The following TBC1D22A variants were observed in gnomAD, a reference collection of about 807,000 sequenced individuals.
TBC1D22A encodes the protein putative GTPase activator.
In TBC1D22A, 38 loss-of-function variants were observed where a neutral mutation model predicts 60.2. The observed-to-expected ratio is 0.63, with a 90% CI of 0.49 to 0.83. TBC1D22A has a LOEUF of 0.83. Among genes scored for constraint, TBC1D22A ranks in the 40% least tolerant of loss-of-function variants. The probability of loss-of-function intolerance (pLI) is 0.00; values close to 1 mark genes in which losing one functional copy is unlikely to be tolerated. For missense variants in TBC1D22A, 628 were observed against 701.0 expected, an observed-to-expected ratio of 0.90 and a Z score of 1.18; for synonymous variants, 302 against 281.7, an observed-to-expected ratio of 1.07 and a Z score of -0.72.
intron 10 of TBC1D22A, among the ~76,000 whole-genome samples, chr22:47,022,043 A>G (rs1382893020): frequency 1.3e-5 from 2 of 152,250 alleles, no homozygotes; most frequent in East Asian, 3.8e-4. Flanking sequence ...AGAAAAGAAT[A>G]CAATCAGGAT....
At chr22:46,991,817 G>A (rs1169382370) in intron 9 of TBC1D22A, among the ~76,000 whole-genome samples, 4 of 152,248 alleles carry the variant, frequency 2.6e-5, no homozygotes, top group East Asian at 1.9e-4. Context: ...CAGCTTGCTC[G>A]CTGCCCTCCA....
chr22:47,117,539 C>T (rs1351407170), intron 12 of TBC1D22A, among the ~76,000 whole-genome samples: 3 of 124,290 alleles, frequency 2.4e-5, no homozygotes, highest in African/African-American at 9.3e-5. Context: ...ACCGTGGCAT[C>T]GAGCAGGGAG....
At chr22:46,993,745 T>C (rs2075025908) in intron 9 of TBC1D22A, among the ~76,000 whole-genome samples, 1 of 152,186 alleles carries the variant, frequency 6.6e-6, no homozygotes, top group Non-Finnish European at 1.5e-5. Context: ...GCGAGGGCCA[T>C]GGGACATTCT....
chr22:46,947,516 C>T (rs983667775), intron 8 of TBC1D22A, among the ~76,000 whole-genome samples: 5 of 152,166 alleles, frequency 3.3e-5, no homozygotes, highest in African/African-American at 1.2e-4. Context: ...GGGACAGAGG[C>T]AGGTCTATAG....
intron 12 of TBC1D22A, among the ~76,000 whole-genome samples, chr22:47,163,194 C>G (rs116811147): frequency 0.01 from 1,548 of 152,272 alleles, 21 homozygotes; most frequent in African/African-American, 0.035. Context: ...GACAGAGGGA[C>G]AGGAGGACCA....
chr22:46,782,420 A>G lies in TBC1D22A; in HGVS notation c.63-10100A>G, dbSNP rs1012066587. Among the ~76,000 whole-genome samples, 7 of 152,302 alleles carry G rather than the reference A, an allele frequency of 4.6e-5. No individual in the cohort carries two copies. The South Asian group carries it at 1.0e-3, about 23-fold the overall frequency. On this transcript the variant is annotated intron_variant, in intron 1 of 12. Transcript: ENST00000337137. ...GCCATCTCGAGCCTTCCCTTCCATG[A>G]CGTCCCGGCCTTCCTGGGACACAAT...
intron 9 of TBC1D22A, among the ~76,000 whole-genome samples, chr22:46,993,573 A>C (rs549884091): frequency 6.6e-6 from 1 of 152,280 alleles, no homozygotes; most frequent in Non-Finnish European, 1.5e-5. Flanking sequence ...TCTGGGTGCC[A>C]GGTGTGGGAG....
chr22:46,902,330 T>G (rs1400731547), intron 7 of TBC1D22A, among the ~76,000 whole-genome samples: 1 of 152,264 alleles, frequency 6.6e-6, no homozygotes, highest in Non-Finnish European at 1.5e-5. Context: ...ATTAACTGAT[T>G]TGCAGAAAAG....
intron 10 of TBC1D22A, among the ~76,000 whole-genome samples, chr22:47,020,357 T>C (rs894703893): frequency 1.3e-5 from 2 of 152,182 alleles, no homozygotes; most frequent in African/African-American, 4.8e-5. Context: ...AGAGAGGGAC[T>C]CTATCCGGGG....
intron 1 of TBC1D22A, among the ~76,000 whole-genome samples, chr22:46,790,610 GCAGA>G (rs1438477431): frequency 1.3e-5 from 2 of 151,724 alleles, no homozygotes; most frequent in African/African-American, 4.9e-5. Context: ...AAGGGTATGA[GCAGA>G]CAATTTACAA....
At chr22:47,148,653 T>C (rs1243781219) in intron 12 of TBC1D22A, among the ~76,000 whole-genome samples, 1 of 148,610 alleles carries the variant, frequency 6.7e-6, no homozygotes, top group Non-Finnish European at 1.5e-5. Flanking sequence ...TGGGTTCCTC[T>C]CCTGGGGTCC....
intron 7 of TBC1D22A, among the ~76,000 whole-genome samples, chr22:46,896,500 G>A (rs1238113974): frequency 6.6e-6 from 1 of 152,138 alleles, no homozygotes; most frequent in African/African-American, 2.4e-5. Flanking sequence ...CAGTTCATCT[G>A]CAGTTGATGG....
At chr22:46,979,623 G>A (rs865807740) in intron 9 of TBC1D22A, among the ~76,000 whole-genome samples, 3 of 152,154 alleles carry the variant, frequency 2.0e-5, no homozygotes, top group East Asian at 1.9e-4. Flanking sequence ...CTTTCCTGCC[G>A]TATCCAGGGC....
chr22:46,947,533 C>T (rs77261885), intron 8 of TBC1D22A, among the ~76,000 whole-genome samples: 6,209 of 152,220 alleles, frequency 0.041, 168 homozygotes, highest in African/African-American at 0.069. Context: ...ATAGCTGCCC[C>T]CTCCAGGCCA....
chr22:47,093,682 G>T (rs889544329), intron 11 of TBC1D22A, among the ~76,000 whole-genome samples: 2 of 152,186 alleles, frequency 1.3e-5, no homozygotes, highest in Non-Finnish European at 2.9e-5. Context: ...ACATGAAAAC[G>T]ATCTGTCATC....
chr22:47,121,433 A>G (rs1047691395), intron 12 of TBC1D22A, among the ~76,000 whole-genome samples: 2 of 152,206 alleles, frequency 1.3e-5, no homozygotes, highest in Non-Finnish European at 2.9e-5. Context: ...TACCTAAGTT[A>G]TGGTACATGG....
intron 11 of TBC1D22A, among the ~76,000 whole-genome samples, chr22:47,053,521 C>T (rs1024625926): frequency 2.6e-5 from 4 of 152,220 alleles, no homozygotes; most frequent in African/African-American, 7.2e-5. Context: ...AGATGGAGGG[C>T]GCTTCTCTCC....
At chr22:46,808,803 C>T (rs1360564502) in intron 4 of TBC1D22A, among the ~76,000 whole-genome samples, 2 of 152,190 alleles carry the variant, frequency 1.3e-5, no homozygotes, top group African/African-American at 2.4e-5. Context: ...ACCGTGTTAG[C>T]CAGGATGGTC....
intron 11 of TBC1D22A, among the ~76,000 whole-genome samples, chr22:47,076,984 A>G (rs1478490915): frequency 1.3e-5 from 2 of 152,162 alleles, no homozygotes; most frequent in African/African-American, 4.8e-5. Flanking sequence ...AAAGAAGGGC[A>G]TCATGCCTTC....
Sources: allele counts gnomAD v4.1 joint callset (sites outside exome capture counted in the v4.1 genomes callset), GRCh38; gene constraint gnomAD v4.1.1; transcripts MANE v1.5; gene names NCBI Gene and HGNC (gene_info 2026-07-23, HGNC 2026-07-21).